DPP10: variants seen among roughly 807,000 people sequenced by gnomAD.
DPP10 encodes the protein dipeptidyl peptidase like 10, also known as inactive dipeptidyl peptidase 10.
Under a neutral mutation model 120.9 loss-of-function variants are expected in DPP10, and 33 were observed. The observed-to-expected ratio is 0.27, with a 90% confidence interval of 0.21 to 0.37. DPP10 has a LOEUF of 0.37. DPP10 is among the 10% of genes least tolerant of loss of function. The pLI is 1.00. For synonymous variants in DPP10, 337 were observed against 326.1 expected, an observed-to-expected ratio of 1.03 and a Z score of -0.36; for missense variants, 816 against 942.8, an observed-to-expected ratio of 0.87 and a Z score of 1.76.
At chr2:114,922,626 A>C (rs1035048838) in intron 1 of DPP10, among the ~76,000 whole-genome samples, 1 of 152,172 alleles carries the variant, frequency 6.6e-6, no homozygotes, top group African/African-American at 2.4e-5. Context: ...CATTTTATAT[A>C]AGTGGTACTA....
chr2:114,588,191 A>G (rs1573729643), intron 1 of DPP10, among the ~76,000 whole-genome samples: 1 of 152,360 alleles, frequency 6.6e-6, no homozygotes, highest in East Asian at 1.9e-4. Flanking sequence ...GAAAGCTGAG[A>G]TCCTCAGAAA....
At chr2:114,804,482 G>T (rs918443127) in intron 1 of DPP10, among the ~76,000 whole-genome samples, 2 of 152,184 alleles carry the variant, frequency 1.3e-5, no homozygotes, top group Non-Finnish European at 2.9e-5. Flanking sequence ...GCCTGGGAAA[G>T]CAGCCAGGAG....
intron 1 of DPP10, among the ~76,000 whole-genome samples, chr2:115,223,160 TAAC>T (rs1266799025): frequency 6.6e-6 from 1 of 152,090 alleles, no homozygotes; most frequent in Non-Finnish European, 1.5e-5. Flanking sequence ...GTGAAGGTAT[TAAC>T]AAGAGTAAAG....
At chr2:115,613,488 C>A (rs2084263633) in intron 5 of DPP10, among the ~76,000 whole-genome samples, 1 of 152,166 alleles carries the variant, frequency 6.6e-6, no homozygotes, top group African/African-American at 2.4e-5. Context: ...TTCCTCCAGC[C>A]TTTTTGTCTG....
At chr2:114,570,363 C>A (rs556326573) in intron 1 of DPP10, among the ~76,000 whole-genome samples, 1 of 152,186 alleles carries the variant, frequency 6.6e-6, no homozygotes, top group Non-Finnish European at 1.5e-5. Context: ...TCTCCAACTT[C>A]AATATCACCG....
chr2:115,379,017 T>C (rs1358424146), intron 3 of DPP10, among the ~76,000 whole-genome samples: 1 of 152,218 alleles, frequency 6.6e-6, no homozygotes, highest in Admixed American at 6.5e-5. Context: ...CATTCTCTTT[T>C]TTGGTTGTTT....
At chr2:115,301,489 A>G (rs1386304063) in intron 1 of DPP10, among the ~76,000 whole-genome samples, 1 of 141,522 alleles carries the variant, frequency 7.1e-6, no homozygotes, top group Non-Finnish European at 1.5e-5. Flanking sequence ...TTTTTTTTTT[A>G]ACTGCACTCA....
intron 2 of DPP10, among the ~76,000 whole-genome samples, chr2:115,309,717 G>T (rs1036027746): frequency 2.6e-5 from 4 of 152,036 alleles, no homozygotes; most frequent in African/African-American, 9.7e-5. Context: ...TCTATATATA[G>T]ATGATAACCC....
chr2:115,214,689 A>G (rs1462411072), intron 1 of DPP10, among the ~76,000 whole-genome samples: 7 of 152,094 alleles, frequency 4.6e-5, no homozygotes, highest in African/African-American at 7.2e-5. Context: ...ATAACACTCA[A>G]TGATCTTATA....
chr2:115,275,955 C>G (rs1222414938), intron 1 of DPP10, among the ~76,000 whole-genome samples: 1 of 152,126 alleles, frequency 6.6e-6, no homozygotes, highest in African/African-American at 2.4e-5. Context: ...CCCGCCTCGG[C>G]CTCCCAAAGT....
At chr2:115,805,391 T>C (rs1336295017) in intron 19 of DPP10, among the ~76,000 whole-genome samples, 2 of 152,114 alleles carry the variant, frequency 1.3e-5, no homozygotes, top group Non-Finnish European at 2.9e-5. Context: ...GGTGAGGCGA[T>C]GCCTCGCCCT....
chr2:114,675,174 ACT>A (rs1230118408), intron 1 of DPP10, among the ~76,000 whole-genome samples: 2 of 152,000 alleles, frequency 1.3e-5, no homozygotes, highest in Non-Finnish European at 2.9e-5. Context: ...AACTGGTCTA[ACT>A]CTGCCAGGAA....
intron 1 of DPP10, among the ~76,000 whole-genome samples, chr2:114,548,620 C>A (rs531013644): frequency 6.6e-6 from 1 of 152,180 alleles, no homozygotes; most frequent in Non-Finnish European, 1.5e-5. Flanking sequence ...GTCTCTGAAG[C>A]AGTTGGTTGT....
intron 1 of DPP10, among the ~76,000 whole-genome samples, chr2:115,114,667 G>A (rs183627768): frequency 6.6e-6 from 1 of 152,026 alleles, no homozygotes. Flanking sequence ...ACATTCTAAC[G>A]CAAGTGAGTA....
At chr2:114,662,781 G>C (rs560024333) in intron 1 of DPP10, among the ~76,000 whole-genome samples, 1 of 150,178 alleles carries the variant, frequency 6.7e-6, no homozygotes, top group African/African-American at 2.4e-5. Context: ...TGAAGTGCCA[G>C]GGGGGGACCT....
chr2:115,472,318 C>T (rs2074781309), intron 3 of DPP10, among the ~76,000 whole-genome samples: 2 of 152,094 alleles, frequency 1.3e-5, no homozygotes, highest in Non-Finnish European at 1.5e-5. Context: ...AGGTCTGTGA[C>T]AGGACTGTCC....
At chr2:114,573,654 G>C (rs994710868) in intron 1 of DPP10, among the ~76,000 whole-genome samples, 1 of 152,162 alleles carries the variant, frequency 6.6e-6, no homozygotes, top group Non-Finnish European at 1.5e-5. Context: ...CCTAGTTCCT[G>C]AGTTCTAGAG....
At chr2:115,079,599 C>T (rs1399240165) in intron 1 of DPP10, among the ~76,000 whole-genome samples, 1 of 152,010 alleles carries the variant, frequency 6.6e-6, no homozygotes, top group Non-Finnish European at 1.5e-5. Context: ...CAAATTGGTG[C>T]ATACTGGGGC....
chr2:115,002,991 C>A (rs1290856144), intron 1 of DPP10, among the ~76,000 whole-genome samples: 1 of 151,844 alleles, frequency 6.6e-6, no homozygotes, highest in African/African-American at 2.4e-5. Context: ...TATCATTTGA[C>A]CCAGCATTCT....
Sources: gnomAD v4.1 joint callset for allele counts (sites outside exome capture counted in the v4.1 genomes callset) on GRCh38, gnomAD v4.1.1 for gene constraint, MANE v1.5 for transcripts, NCBI Gene and HGNC (gene_info 2026-07-23, HGNC 2026-07-21) for gene names.